The following GPR158 variants were observed in gnomAD, a reference collection of about 807,000 sequenced individuals.
GPR158 encodes the protein G protein-coupled receptor 158.
A neutral mutation model predicts 78.2 loss-of-function variants in GPR158; 30 were observed. The observed-to-expected ratio is 0.38, with a 90% CI of 0.29 to 0.52. GPR158 has a LOEUF of 0.52. Ranked by LOEUF, GPR158 falls within the 20% of genes least tolerant of loss-of-function variation. The pLI is 0.83. For missense variants in GPR158, 1,463 were observed against 1,523.5 expected (o/e 0.96, Z 0.66); for synonymous variants, 581 against 591.1 (o/e 0.98, Z 0.25).
At chr10:25,290,294 TG>T (rs1854416569) in intron 2 of GPR158, among the ~76,000 whole-genome samples, 9 of 152,236 alleles carry the variant, frequency 5.9e-5, no homozygotes, top group African/African-American at 2.2e-4. Context: ...TTCCTGTTAC[TG>T]CTAGCCTCTT....
intron 6 of GPR158, among the ~76,000 whole-genome samples, chr10:25,564,621 A>C (rs1026041071): frequency 1.3e-5 from 2 of 152,192 alleles, no homozygotes; most frequent in African/African-American, 4.8e-5. Flanking sequence ...TTTGAAAATA[A>C]GGTCCATTGT....
In GPR158 at chr10:25,412,401, C is replaced by T; in HGVS notation, c.1263C>T (p.Ile421=). 1 of 1,614,032 alleles carries T rather than the reference C, an allele frequency of 6.2e-7. No individual in the cohort carries two copies. The highest frequency in any genetic ancestry group is 8.5e-7 in the Non-Finnish European group (1 of 1,179,856). The change falls in exon 4 of 11, where the codon ATC becomes ATT. Residue 421 remains isoleucine (I), a synonymous_variant. Transcript: ENST00000376351. ...ATAAGTATTTACGACTTGCCATCAT[C>T]TCCTTCCAAGCCCTGTGTATGCTGC... The part of the protein sequence containing the change: ...QEDKYLRLAI[I]SFQALCMLLD...
chr10:25,513,506 G>GTTTT (rs1836114669), intron 5 of GPR158, among the ~76,000 whole-genome samples: 1 of 146,262 alleles, frequency 6.8e-6, no homozygotes, highest in Admixed American at 6.7e-5. Context: ...TTTTTTTTTG[G>GTTTT]TTCAATTTTA....
At chr10:25,585,603 G>A (rs1236917479) in intron 7 of GPR158, among the ~76,000 whole-genome samples, 5 of 152,210 alleles carry the variant, frequency 3.3e-5, no homozygotes, top group East Asian at 1.9e-4. Context: ...CATTGATTAC[G>A]ATTTTTCCAC....
At chr10:25,273,853 G>T (rs1854149307) in intron 2 of GPR158, among the ~76,000 whole-genome samples, 1 of 151,534 alleles carries the variant, frequency 6.6e-6, no homozygotes, top group African/African-American at 2.4e-5. Flanking sequence ...CTAATTTTTT[G>T]TATTTTCTTA....
Position 25,362,896 on chromosome 10 carries a change from T to C in GPR158, c.1009-33015T>C, listed in dbSNP as rs543999703. ...ACTGCTTTTTATATATTTTTTAATA[T>C]TAATATAACCACACAAATTCTCTTT... On this transcript the variant is annotated intron_variant, in intron 2 of 10. Coordinates refer to ENST00000376351, the MANE Select transcript of GPR158 (RefSeq NM_020752.3). 7.9e-5 allele frequency among the ~76,000 whole-genome samples: 12 copies of C among 152,070 alleles called. No homozygotes were observed. In the South Asian group the frequency reaches 1.2e-3, roughly 16 times the overall value.
chr10:25,217,977 ATGCCCACTC>A (rs1459996586), intron 1 of GPR158, among the ~76,000 whole-genome samples: 4 of 151,966 alleles, frequency 2.6e-5, no homozygotes, highest in African/African-American at 9.7e-5. Flanking sequence ...AACCCCTGAG[ATGCCCACTC>A]GGGACAGAGG....
chr10:25,517,279 A>G (rs1048755224), intron 5 of GPR158, among the ~76,000 whole-genome samples: 10 of 150,928 alleles, frequency 6.6e-5, no homozygotes, highest in Non-Finnish European at 1.2e-4. Flanking sequence ...GGGCTGAGAC[A>G]ATGGGGTTTT....
intron 2 of GPR158, among the ~76,000 whole-genome samples, chr10:25,308,491 C>CAGGCAAAAAA (rs1405480071): frequency 1.3e-5 from 2 of 152,068 alleles, no homozygotes; most frequent in Non-Finnish European, 2.9e-5. Flanking sequence ...GTTTTTTGCC[C>CAGGCAAAAAA]ATTTTAGTAC....
At chr10:25,573,056 CTTTTTCTGGAAGTTTCTATTG>C (rs1047048749) in intron 7 of GPR158, among the ~76,000 whole-genome samples, 169 bp downstream of exon 7, 10 of 152,170 alleles carry the variant, frequency 6.6e-5, no homozygotes, top group Non-Finnish European at 1.3e-4. Context: ...GAGATGCAAA[CTTTTTCTGGAAGTTTCTATTG>C]TTTTTCAAAG....
intron 2 of GPR158, among the ~76,000 whole-genome samples, chr10:25,229,260 G>A (rs1344021687): frequency 2.0e-5 from 3 of 152,040 alleles, no homozygotes. Flanking sequence ...CAGATTCATC[G>A]CTATATTTAG....
chr10:25,557,543 C>G (rs1304570627), intron 6 of GPR158, among the ~76,000 whole-genome samples: 1 of 152,238 alleles, frequency 6.6e-6, no homozygotes, highest in Non-Finnish European at 1.5e-5. Flanking sequence ...CCTGCCGCCT[C>G]CAGTGACTTC....
At chr10:25,324,068 C>T (rs899724750) in intron 2 of GPR158, among the ~76,000 whole-genome samples, 1 of 152,186 alleles carries the variant, frequency 6.6e-6, no homozygotes, top group Non-Finnish European at 1.5e-5. Flanking sequence ...TCTATTTAGA[C>T]CACTAAAACT....
chr10:25,251,433 A>T (rs1159279685), intron 2 of GPR158, among the ~76,000 whole-genome samples: 1 of 151,726 alleles, frequency 6.6e-6, no homozygotes, highest in Non-Finnish European at 1.5e-5. Flanking sequence ...TTTTGGCATG[A>T]ATTTGCAGCG....
intron 2 of GPR158, among the ~76,000 whole-genome samples, chr10:25,328,875 T>G (rs984504081): frequency 7.7e-6 from 1 of 130,372 alleles, no homozygotes; most frequent in Non-Finnish European, 1.5e-5. Flanking sequence ...TGCAGTGAGA[T>G]GAGATTGCGC....
intron 2 of GPR158, among the ~76,000 whole-genome samples, chr10:25,356,890 T>C (rs1020850442): frequency 6.6e-6 from 1 of 151,910 alleles, no homozygotes; most frequent in African/African-American, 2.4e-5. Flanking sequence ...TTTGGATCAG[T>C]TTGGAGAGCT....
At chr10:25,206,876 CTT>C (rs757762580) in intron 1 of GPR158, among the ~76,000 whole-genome samples, 2 of 150,070 alleles carry the variant, frequency 1.3e-5, no homozygotes, top group Non-Finnish European at 3.0e-5. Context: ...CAAGCTTATT[CTT>C]GACTATTTTA....
chr10:25,447,585 C>A (rs1010520902), intron 4 of GPR158, among the ~76,000 whole-genome samples: 1 of 152,126 alleles, frequency 6.6e-6, no homozygotes, highest in Non-Finnish European at 1.5e-5. Flanking sequence ...ATGTCATTGG[C>A]TTAAATGTGA....
intron 2 of GPR158, among the ~76,000 whole-genome samples, chr10:25,222,549 T>C (rs1015540497): frequency 2.0e-5 from 3 of 152,176 alleles, no homozygotes; most frequent in African/African-American, 4.8e-5. Context: ...TTTTGTCTCC[T>C]TTAATTGTTC....
Sources: allele counts gnomAD v4.1 joint callset (sites outside exome capture counted in the v4.1 genomes callset), GRCh38; gene constraint gnomAD v4.1.1; transcripts MANE v1.5; gene names NCBI Gene and HGNC (gene_info 2026-07-23, HGNC 2026-07-21).